GNA13: variants seen among roughly 807,000 people sequenced by gnomAD.
The protein encoded by GNA13 is guanine nucleotide-binding protein subunit alpha-13.
In GNA13, 4 loss-of-function variants were observed where a neutral mutation model predicts 33.5. That is an observed-to-expected ratio of 0.12 (90% confidence interval 0.06 to 0.27). The LOEUF (loss-of-function observed/expected upper bound fraction) is 0.27. Ranked by LOEUF, GNA13 falls within the 10% of genes least tolerant of loss-of-function variation. GNA13 has a pLI of 1.00. For synonymous variants in GNA13, 176 were observed against 183.8 expected (o/e 0.96, Z 0.34); for missense variants, 319 against 487.2 (o/e 0.65, Z 3.25).
intron 3 of GNA13, among the ~76,000 whole-genome samples, chr17:65,017,407 A>C (rs1324950916): frequency 1.3e-5 from 2 of 152,216 alleles, no homozygotes; most frequent in Admixed American, 6.5e-5. Context: ...CTGTGTGAAG[A>C]AGAAGAAACC....
In GNA13 at chr17:65,022,812, G is replaced by GT. The variant is rs1485049088; in HGVS notation, c.511-4510dup. ...GTGAGTGAGTAACTCATGTTTGATT[G>GT]TAACAGCTGAAGAAATATGGCCAGA... is the stretch of plus-strand genomic sequence containing the variant. On this transcript the variant is annotated intron_variant, in intron 2 of 3. Transcript: ENST00000439174. Among the ~76,000 whole-genome samples the GT allele has an allele frequency of 2.0e-5, 3 of 152,346 alleles. No homozygotes were observed. In the East Asian group the frequency reaches 5.8e-4, roughly 29 times the overall value.
chr17:65,049,116 T>C (rs1324787471), intron 2 of GNA13, among the ~76,000 whole-genome samples: 1 of 152,120 alleles, frequency 6.6e-6, no homozygotes, highest in Non-Finnish European at 1.5e-5. Flanking sequence ...ATTTTTTAAT[T>C]TTTATTTTTT....
At chr17:65,056,251 A>AAAACC in intron 1 of GNA13, 60 bp downstream of exon 1, 1 of 740,728 alleles carries the variant, frequency 1.4e-6, no homozygotes, top group Non-Finnish European at 2.1e-6. Context: ...CCCGCCCCGC[A>AAAACC]CCCGCCGCCG....
chr17:65,052,849 C>T (rs553106722), intron 2 of GNA13, among the ~76,000 whole-genome samples: 1 of 152,150 alleles, frequency 6.6e-6, no homozygotes, highest in Admixed American at 6.5e-5. Flanking sequence ...GCCAACATGG[C>T]GAAACTGCCT....
At chr17:65,025,355 A>C (rs186813484) in intron 2 of GNA13, among the ~76,000 whole-genome samples, 478 of 152,336 alleles carry the variant, frequency 3.1e-3, no homozygotes, top group African/African-American at 0.011. Flanking sequence ...CAATTCTGAC[A>C]AGCTTTATTT....
chr17:65,032,774 G>GC (rs1345874242), intron 2 of GNA13, among the ~76,000 whole-genome samples: 1 of 149,830 alleles, frequency 6.7e-6, no homozygotes, highest in Non-Finnish European at 1.5e-5. Flanking sequence ...TGCCTTTTCT[G>GC]CCCCATGGCT....
At chr17:65,043,568 T>C (rs1907541028) in intron 2 of GNA13, among the ~76,000 whole-genome samples, 1 of 152,192 alleles carries the variant, frequency 6.6e-6, no homozygotes, top group East Asian at 1.9e-4. Flanking sequence ...GTTACAGGTG[T>C]GAGCCACTGC....
intron 2 of GNA13, among the ~76,000 whole-genome samples, chr17:65,025,241 C>T (rs77203862): frequency 0.016 from 2,455 of 152,232 alleles, 64 homozygotes; most frequent in African/African-American, 0.056. Context: ...TCATAATTCA[C>T]CACGTCTCAC....
chr17:65,027,155 A>C (rs1201015662), intron 2 of GNA13, among the ~76,000 whole-genome samples: 1 of 152,208 alleles, frequency 6.6e-6, no homozygotes, highest in African/African-American at 2.4e-5. Context: ...AATCTAGTTT[A>C]CTGACTTCCT....
In GNA13 at chr17:65,010,825, A is replaced by G. The variant is rs375231186; in HGVS notation, c.*3432T>C. The G allele has an allele frequency of 1.0e-3, 220 of 210,532 alleles. No homozygotes were observed. The highest frequency in any genetic ancestry group is 7.7e-3 in the Middle Eastern group (5 of 646). The allele number at this position is 210,532 out of a possible 1,614,324, so 13.0% of individuals were successfully genotyped here. ...CACTGATATTTAGCCTTCTCATGACATACACAGAAATAACATTGCTACAAA... is the reference window on the plus strand; with the variant it reads ...CACTGATATTTAGCCTTCTCATGACGTACACAGAAATAACATTGCTACAAA... On this transcript the variant is annotated 3_prime_UTR_variant, in exon 4 of 4. Transcript: ENST00000439174.
Position 65,056,339 on chromosome 17 carries a change from G to T in GNA13, c.255C>A (p.Arg85=). 1 of 1,611,524 alleles carries T rather than the reference G, an allele frequency of 6.2e-7. No individual in the cohort carries two copies. Among genetic ancestry groups the T allele is most frequent in the Non-Finnish European group, 8.5e-7 (1 of 1,179,706 alleles). ...DFDQRAREEF[R]PTIYSNVIKG... Reference sequence around the variant, plus strand: ...TGATCACGTTGCTGTAGATGGTGGGGCGGAACTCCTCGCGCGCGCGCTGGT... The same window carrying T: ...TGATCACGTTGCTGTAGATGGTGGGTCGGAACTCCTCGCGCGCGCGCTGGT... The change falls in exon 1 of 4, where the codon CGC becomes CGA. Residue 85 remains arginine, a synonymous_variant. Coordinates refer to ENST00000439174, the MANE Select transcript of GNA13 (RefSeq NM_006572.6).
In GNA13 at chr17:65,018,302, C is replaced by A; in HGVS notation, c.512G>T (p.Gly171Val). Residue 171 changes from glycine to valine, a missense_variant and splice_region_variant, in exon 3 of 4, where the codon GGT becomes GTT. By Grantham distance (109) the Gly-to-Val change is moderately radical. Around this residue, in one of 4 missense-constraint regions of GNA13, gnomAD observed 136 missense variants for 159.3 expected, o/e 0.85. Coordinates refer to ENST00000439174, the MANE Select transcript of GNA13 (RefSeq NM_006572.6). ...ATCCAGGAAATATTTTACAGATTCACCCTAAAAACAAGAAGAAAACAAATA... is the reference window on the plus strand; with the variant it reads ...ATCCAGGAAATATTTTACAGATTCAACCTAAAAACAAGAAGAAAACAAATA... ...AYDRRREFQLGESVKYFLDNL... is the reference protein window; with the variant it reads ...AYDRRREFQLVESVKYFLDNL... The A allele has an allele frequency of 6.8e-7, 1 of 1,464,498 alleles. No individual in the cohort carries two copies. The highest frequency in any genetic ancestry group is 9.6e-7 in the Non-Finnish European group (1 of 1,043,854). The allele number at this position is 1,464,498 out of a possible 1,614,324, so 90.7% of individuals were successfully genotyped here.
intron 2 of GNA13, among the ~76,000 whole-genome samples, chr17:65,049,174 A>G (rs929827217): frequency 1.3e-5 from 2 of 152,098 alleles, no homozygotes; most frequent in African/African-American, 2.4e-5. Flanking sequence ...CAGTGGCATG[A>G]TCTCCACTCA....
chr17:65,018,138 A>AAAAAAAAAAAAAAAAGAGAG lies in GNA13; in HGVS notation c.561+114_561+115insCTCTCTTTTTTTTTTTTTTT, dbSNP rs1555600538. On this transcript the variant is annotated intron_variant, in intron 3 of 3. Transcript: ENST00000439174. ...AAAAAAAAAAAAAAAAAAAAAAAAA[A>AAAAAAAAAAAAAAAAGAGAG]AGAGAGAAAGAAGCAAATAGCTTAA... The AAAAAAAAAAAAAAAAGAGAG allele has an allele frequency of 5.7e-5, 4 of 69,666 alleles. 2 individuals carry two copies. Among genetic ancestry groups the AAAAAAAAAAAAAAAAGAGAG allele is most frequent in the Non-Finnish European group, 1.1e-4 (4 of 35,446 alleles). 4.3% of individuals were successfully genotyped at this position (69,666 alleles called of 1,614,324 possible).
Position 65,018,136 on chromosome 17 carries a change from A to AG in GNA13, c.561+116_561+117insC, listed in dbSNP as rs1223563389. 38 of 63,582 alleles carry AG rather than the reference A, an allele frequency of 6.0e-4. 10 individuals are homozygous for AG. The highest frequency in any genetic ancestry group is 9.8e-3 in the Middle Eastern group (2 of 204). 3.9% of individuals were successfully genotyped at this position (63,582 alleles called of 1,614,324 possible). The stretch of plus-strand genomic sequence containing the variant: ...AAAAAAAAAAAAAAAAAAAAAAAAA[A>AG]AAAGAGAGAAAGAAGCAAATAGCTT... On this transcript the variant is annotated intron_variant, in intron 3 of 3. Transcript: ENST00000439174.
intron 2 of GNA13, among the ~76,000 whole-genome samples, chr17:65,026,210 A>G (rs1906777346): frequency 6.6e-6 from 1 of 151,784 alleles, no homozygotes; most frequent in Admixed American, 6.6e-5. Flanking sequence ...AAATAAAAAA[A>G]AAAAACCATA....
intron 2 of GNA13, among the ~76,000 whole-genome samples, chr17:65,028,335 G>A (rs1216990933): frequency 1.3e-5 from 2 of 151,596 alleles, no homozygotes; most frequent in Non-Finnish European, 2.9e-5. Context: ...CTTGAATCCG[G>A]GAGGCAGAGG....
At chr17:65,028,985 G>A (rs1427688686) in intron 2 of GNA13, among the ~76,000 whole-genome samples, 1 of 152,108 alleles carries the variant, frequency 6.6e-6, no homozygotes, top group Non-Finnish European at 1.5e-5. Flanking sequence ...AAAAAAAGGA[G>A]GCAGAGTTAC....
chr17:65,055,227 A>G (rs1415180645), intron 1 of GNA13, among the ~76,000 whole-genome samples: 1 of 152,198 alleles, frequency 6.6e-6, no homozygotes, highest in African/African-American at 2.4e-5. Context: ...AATTTTGCCA[A>G]AATGCCTTTT....
Sources: gnomAD v4.1 joint callset for allele counts (sites outside exome capture counted in the v4.1 genomes callset) on GRCh38, gnomAD v4.1.1 for gene constraint, gnomAD v4.1.1 regional missense constraint, MANE v1.5 for transcripts, NCBI Gene and HGNC (gene_info 2026-07-23, HGNC 2026-07-21) for gene names.